MINPP1: variants seen among roughly 807,000 people sequenced by gnomAD.
MINPP1 encodes multiple inositol polyphosphate phosphatase 1.
In MINPP1, 28 loss-of-function variants were observed where a neutral mutation model predicts 46.1. That is an observed-to-expected ratio of 0.61 (90% CI 0.45 to 0.83). MINPP1 has a LOEUF of 0.83. Ranked by LOEUF, MINPP1 falls within the 40% of genes least tolerant of loss-of-function variation. The pLI, the probability that MINPP1 is intolerant of heterozygous loss-of-function variation, is 0.00. For synonymous variants in MINPP1, 268 were observed against 249.1 expected (o/e 1.08, Z -0.72); for missense variants, 603 against 610.0 (o/e 0.99, Z 0.12).
chr10:87,508,006 G>C lies in MINPP1; in HGVS notation c.638-330G>C, dbSNP rs1851278072. On this transcript the variant is annotated intron_variant, in intron 1 of 4. Coordinates refer to ENST00000371996, the MANE Select transcript of MINPP1 (RefSeq NM_004897.5). ...TCACCTTGTAAGTAGAAACTTTGCT[G>C]ATTTTTAGTTTGCTTTCTAAAGTTT... 8 of 1,399,558 alleles carry C rather than the reference G, an allele frequency of 5.7e-6. No homozygotes were observed. In the South Asian group the frequency reaches 1.2e-4, roughly 21 times the overall value. 86.7% of individuals were successfully genotyped at this position (1,399,558 alleles called of 1,614,324 possible). A position where few individuals can be genotyped will look rare whatever the true frequency, so the allele number is the denominator to read the frequency against.
intron 4 of MINPP1, among the ~76,000 whole-genome samples, chr10:87,539,055 T>G (rs1053829776): frequency 1.3e-5 from 2 of 152,218 alleles, no homozygotes; most frequent in South Asian, 4.1e-4. Flanking sequence ...TAAAATCTCC[T>G]CACCAATTTC....
chr10:87,512,386 T>C (rs1303367597), intron 2 of MINPP1, among the ~76,000 whole-genome samples: 1 of 152,144 alleles, frequency 6.6e-6, no homozygotes, highest in Non-Finnish European at 1.5e-5. Flanking sequence ...GTGTGATTTT[T>C]CCCTTTTTGT....
At position 87,520,028 on chromosome 10, in the gene MINPP1, T is replaced by G. The variant is rs561223082; in HGVS notation, c.934-1008T>G. ...AACCGTTTTCTATACTTTTATAATC[T>G]GTATCATTCTTAGAAATATAAAAGG... is the stretch of plus-strand genomic sequence containing the variant. On this transcript the variant is annotated intron_variant, in intron 3 of 4. Transcript: ENST00000371996. Among the ~76,000 whole-genome samples, 14 of 142,428 alleles carry G rather than the reference T, an allele frequency of 9.8e-5. No individual in the cohort carries two copies. In the East Asian group the frequency reaches 2.9e-3, roughly 30 times the overall value. The allele number at this position is 142,428 out of a possible 152,430, so 93.4% of individuals were successfully genotyped here.
At chr10:87,526,527 C>T (rs567176426) in intron 4 of MINPP1, among the ~76,000 whole-genome samples, 62 of 152,114 alleles carry the variant, frequency 4.1e-4, no homozygotes, top group Non-Finnish European at 7.6e-4. Flanking sequence ...GTTCTTTTGC[C>T]GTGCAGAAGC....
At chr10:87,518,804 G>A (rs1851451740) in intron 3 of MINPP1, among the ~76,000 whole-genome samples, 1 of 152,342 alleles carries the variant, frequency 6.6e-6, no homozygotes, top group African/African-American at 2.4e-5. Context: ...TGTTACAAAG[G>A]ATACAGATGA....
At chr10:87,527,635 G>A (rs183901531) in intron 4 of MINPP1, among the ~76,000 whole-genome samples, 3 of 151,756 alleles carry the variant, frequency 2.0e-5, no homozygotes, top group African/African-American at 7.2e-5. Flanking sequence ...ACCTGATCAT[G>A]GTGGATAAGC....
In MINPP1 at chr10:87,513,370, A is replaced by G. The variant is rs989305900; in HGVS notation, c.933+149A>G. 3.4e-5 allele frequency: 22 copies of G among 645,326 alleles called. No individual in the cohort carries two copies. In the African/African-American group the frequency reaches 3.9e-4, roughly 11 times the overall value. 40.0% of individuals were successfully genotyped at this position (645,326 alleles called of 1,614,324 possible). ...GTGACTAACTCCTAATTTTCCTTAA[A>G]TAAAGAGAGATTAAAGGTTCAAATT... On this transcript the variant is annotated intron_variant, in intron 3 of 4. Coordinates refer to ENST00000371996, the MANE Select transcript of MINPP1 (RefSeq NM_004897.5).
rs576577780 is a variant in MINPP1 at position 87,541,880 on chromosome 10, G to T, written c.1068-10202G>T. 1.2e-4 allele frequency among the ~76,000 whole-genome samples: 18 copies of T among 152,258 alleles called. No homozygotes were observed. In the East Asian group the frequency reaches 2.9e-3, roughly 24 times the overall value. ...CCATTTGAGAGGGATCCTCCCCCAT[G>T]TCCCAGTCTCTTCCCACCAGGCCCT... On this transcript the variant is annotated intron_variant, in intron 4 of 4. Coordinates refer to ENST00000371996, the MANE Select transcript of MINPP1 (RefSeq NM_004897.5).
At chr10:87,515,858 T>C (rs1851406555) in intron 3 of MINPP1, among the ~76,000 whole-genome samples, 1 of 148,740 alleles carries the variant, frequency 6.7e-6, no homozygotes, top group Non-Finnish European at 1.5e-5. Flanking sequence ...AGACAGAGTC[T>C]TCCTCTGTCG....
chr10:87,531,740 A>G (rs915908505), intron 4 of MINPP1, among the ~76,000 whole-genome samples: 9 of 152,218 alleles, frequency 5.9e-5, no homozygotes, highest in African/African-American at 1.4e-4. Flanking sequence ...TGAAACTTTT[A>G]AAATTATTTA....
rs1443375743 is a variant in MINPP1 at position 87,508,391 on chromosome 10, CTG to C, written c.696_697del (p.Cys232Ter). 6.2e-7 allele frequency: 1 copy of C among 1,613,258 alleles called. No homozygotes were observed. ...ATAAACTAATGAGATTTTTTGATCACTGTGAGAAGTTTTTAACTGAAGTAGAA... is the reference window on the plus strand; with the variant it reads ...ATAAACTAATGAGATTTTTTGATCACTGAGAAGTTTTTAACTGAAGTAGAA... ...NDKLMRFFDH[C>X]EKFLTEVEKN... On this transcript the variant is annotated frameshift_variant, in exon 2 of 5. Coordinates refer to ENST00000371996, the MANE Select transcript of MINPP1 (RefSeq NM_004897.5). LOFTEE classifies it high-confidence loss of function.
chr10:87,550,008 C>T (rs1257146482), intron 4 of MINPP1, among the ~76,000 whole-genome samples: 1 of 152,048 alleles, frequency 6.6e-6, no homozygotes, highest in African/African-American at 2.4e-5. Context: ...ATGAATTCAT[C>T]CTATGTTAGA....
chr10:87,513,302 C>A, intron 3 of MINPP1, 81 bp downstream of exon 3: 1 of 958,344 alleles, frequency 1.0e-6, no homozygotes, highest in Non-Finnish European at 1.7e-6. Context: ...TTACTTGAAG[C>A]AGCTTTTCAG....
Position 87,520,953 on chromosome 10 carries a change from A to G in MINPP1, c.934-83A>G, listed in dbSNP as rs192584677. 19 of 678,010 alleles carry G rather than the reference A, an allele frequency of 2.8e-5. 1 individual carries two copies. Among genetic ancestry groups the G allele is most frequent in the Non-Finnish European group, 4.4e-5 (17 of 388,188 alleles). The allele number at this position is 678,010 out of a possible 1,614,324, so 42.0% of individuals were successfully genotyped here. A position where few individuals can be genotyped will look rare whatever the true frequency, so the allele number is the denominator to read the frequency against. ...AGAATGGTAATTAAACATTGTAACCATTTCTTAGAGAATCATTATTAAATC... is the reference window on the plus strand; with the variant it reads ...AGAATGGTAATTAAACATTGTAACCGTTTCTTAGAGAATCATTATTAAATC... On this transcript the variant is annotated intron_variant, in intron 3 of 4. Transcript: ENST00000371996.
chr10:87,544,396 A>C (rs985302511), intron 4 of MINPP1, among the ~76,000 whole-genome samples: 4 of 152,178 alleles, frequency 2.6e-5, no homozygotes, highest in Admixed American at 6.5e-5. Flanking sequence ...TTGGGTTCTT[A>C]TGGAGGCCTC....
chr10:87,520,076 G>GTGTGTGTGTGTGTGTA (rs1851478295), intron 3 of MINPP1, among the ~76,000 whole-genome samples: 1 of 151,896 alleles, frequency 6.6e-6, no homozygotes, highest in South Asian at 2.1e-4. Flanking sequence ...GTGTGTGTGT[G>GTGTGTGTGTGTGTGTA]TGTTGGTAAT....
chr10:87,517,437 A>G (rs949708983), intron 3 of MINPP1, among the ~76,000 whole-genome samples: 1 of 152,160 alleles, frequency 6.6e-6, no homozygotes, highest in Non-Finnish European at 1.5e-5. Context: ...TCATTGTATT[A>G]TCATGGTGGG....
intron 4 of MINPP1, among the ~76,000 whole-genome samples, chr10:87,522,929 T>C (rs1851523216): frequency 1.3e-5 from 2 of 152,238 alleles, no homozygotes; most frequent in South Asian, 4.1e-4. Context: ...CACAATCCTT[T>C]GTTGTCATTT....
chr10:87,550,578 T>G (rs889255798), intron 4 of MINPP1, among the ~76,000 whole-genome samples: 3 of 152,174 alleles, frequency 2.0e-5, no homozygotes. Context: ...CATGCTTTTC[T>G]GTAGTTATTT....
Sources: gnomAD v4.1 joint callset for allele counts (sites outside exome capture counted in the v4.1 genomes callset) on GRCh38, gnomAD v4.1.1 for gene constraint, MANE v1.5 for transcripts, NCBI Gene and HGNC (gene_info 2026-07-23, HGNC 2026-07-21) for gene names.